Variants in PARP2 observed in about 807,000 individuals in gnomAD.
PARP2 encodes the protein poly [ADP-ribose] polymerase 2.
Under a neutral mutation model 77.8 loss-of-function variants are expected in PARP2, and 57 were observed. The ratio of observed to expected loss-of-function variants is 0.73; its 90% CI spans 0.59 to 0.91. The LOEUF (loss-of-function observed/expected upper bound fraction) is 0.91. PARP2 is among the 40% of genes least tolerant of loss of function. PARP2 has a pLI of 0.00. For missense variants in PARP2, 651 were observed against 689.0 expected (o/e 0.94, Z 0.62); for synonymous variants, 226 against 242.6 (o/e 0.93, Z 0.64).
chr14:20,357,025 CCTTGGTATT>C lies in PARP2; in HGVS notation c.1330-24_1330-16del, dbSNP rs1884180501. The C allele has an allele frequency of 7.1e-7, 1 of 1,414,414 alleles. No homozygotes were observed. The allele number at this position is 1,414,414 out of a possible 1,614,324, so 87.6% of individuals were successfully genotyped here. On this transcript the variant is annotated splice_polypyrimidine_tract_variant and intron_variant, in intron 13 of 15. Coordinates refer to ENST00000429687, the MANE Select transcript of PARP2 (RefSeq NM_001042618.2). Reference sequence around the variant, plus strand: ...TCTAACACAGTGGGTTAGAAGCTGACCTTGGTATTCATGTATATATTTCAGTTTGGGAAA... The same window carrying C: ...TCTAACACAGTGGGTTAGAAGCTGACCATGTATATATTTCAGTTTGGGAAA...
rs964898420 is a variant in PARP2, at chr14:20,353,697, G to A, written c.601-388G>A. 3.3e-5 allele frequency among the ~76,000 whole-genome samples: 5 copies of A among 152,086 alleles called. No homozygotes were observed. The East Asian group carries it at 5.8e-4, about 18-fold the overall frequency. ...GTATACCAGGATGCTGAAACTGTCCGGAAACAGTCACATATCCAAAAAAAT... is the reference window on the plus strand; with the variant it reads ...GTATACCAGGATGCTGAAACTGTCCAGAAACAGTCACATATCCAAAAAAAT... On this transcript the variant is annotated intron_variant, in intron 7 of 15. Coordinates refer to ENST00000429687, the MANE Select transcript of PARP2 (RefSeq NM_001042618.2).
intron 11 of PARP2, 119 bp from the exon 12 acceptor site, chr14:20,356,188 C>G (rs1446802527): frequency 7.1e-7 from 1 of 1,417,326 alleles, no homozygotes; most frequent in Non-Finnish European, 9.7e-7. Context: ...TCCTAGCTGC[C>G]TTGTAAGACT....
At position 20,357,642 on chromosome 14, in the gene PARP2, G is replaced by A; in HGVS notation, c.1558G>A (p.Gly520Arg). The A allele has an allele frequency of 6.2e-7, 1 of 1,611,432 alleles. No homozygotes were observed. The highest frequency in any genetic ancestry group is 1.1e-5 in the South Asian group (1 of 90,488). The change falls in exon 16 of 16, where the codon GGG (glycine) becomes AGG (arginine). Residue 520 changes from glycine to arginine, a missense_variant. By Grantham distance (125) the Gly-to-Arg change is moderately radical. Coordinates refer to ENST00000429687, the MANE Select transcript of PARP2 (RefSeq NM_001042618.2). Reference sequence around the variant, plus strand: ...CACTTTTTTTCCATTTGGCAGGAATGGGAGTACAGTGCCATTAGGACCAGC... The same window carrying A: ...CACTTTTTTTCCATTTGGCAGGAATAGGAGTACAGTGCCATTAGGACCAGC... ...PSSAHFVTLN[G>R]STVPLGPASD...
intron 14 of PARP2, 106 bp from the exon 15 acceptor site, chr14:20,357,290 C>G: frequency 7.2e-7 from 1 of 1,391,820 alleles, no homozygotes; most frequent in Non-Finnish European, 1.0e-6. Flanking sequence ...CATTGGATTC[C>G]TCTGCTGGAG....
chr14:20,352,488 TC>T, intron 7 of PARP2, 141 bp downstream of exon 7: 2 of 534,988 alleles, frequency 3.7e-6, no homozygotes, highest in Non-Finnish European at 6.6e-6. Context: ...GCTCAAGTGA[TC>T]CTCCCACCTC....
At chr14:20,357,596 A>T in intron 15 of PARP2, 42 bp from the exon 16 acceptor site, 1 of 1,606,714 alleles carries the variant, frequency 6.2e-7, no homozygotes, top group Non-Finnish European at 8.5e-7. Flanking sequence ...GCAGCTTCTG[A>T]ACCAGAGACT....
Position 20,354,073 on chromosome 14 carries a change from T to C in PARP2, c.601-12T>C, listed in dbSNP as rs762061718. 1.9e-6 allele frequency: 3 copies of C among 1,605,872 alleles called. No homozygotes were observed. The highest frequency in any genetic ancestry group is 3.3e-5 in the Admixed American group (2 of 59,774). On this transcript the variant is annotated splice_polypyrimidine_tract_variant and intron_variant, in intron 7 of 15. Coordinates refer to ENST00000429687, the MANE Select transcript of PARP2 (RefSeq NM_001042618.2). The stretch of plus-strand genomic sequence containing the variant: ...TTAGATTGTCTTGTGTTTTGTTTGT[T>C]TTTTGCTATAGGATGAAGAGGAAAC...
intron 8 of PARP2, 32 bp from the exon 9 acceptor site, chr14:20,354,777 G>A (rs1884081541): frequency 6.3e-7 from 1 of 1,591,492 alleles, no homozygotes; most frequent in African/African-American, 1.4e-5. Context: ...TGGGATCCTA[G>A]TTTGGAGTCT....
Position 20,354,945 on chromosome 14 carries a change from T to A in PARP2, c.900T>A (p.Phe300Leu). 1 of 1,613,228 alleles carries A rather than the reference T, an allele frequency of 6.2e-7. No homozygotes were observed. The highest frequency in any genetic ancestry group is 8.5e-7 in the Non-Finnish European group (1 of 1,179,508). Residue 300 changes from phenylalanine (F) to leucine (L), a missense_variant and splice_region_variant, in exon 9 of 16, where the codon TTT becomes TTA. Transcript: ENST00000429687. ...TCTACACCAGGATTCCGCATGACTT[T>A]GGGTAAGGCCTGTGCTGTTACTTCA... ...NEFYTRIPHD[F>L]GLRTPPLIRT... is the part of the protein sequence containing the mutation.
At chr14:20,354,294 C>T in intron 8 of PARP2, 47 bp downstream of exon 8, 4 of 1,383,080 alleles carry the variant, frequency 2.9e-6, no homozygotes, top group Non-Finnish European at 4.1e-6. Context: ...TAATTCCTAG[C>T]TCCTTTAATG....
At position 20,343,652 on chromosome 14, in the gene PARP2, G is replaced by A. The variant is rs1883593229; in HGVS notation, c.11G>A (p.Arg4Gln). 6.8e-6 allele frequency: 11 copies of A among 1,610,392 alleles called. No individual in the cohort carries two copies. In the East Asian group the frequency reaches 1.8e-4, roughly 26 times the overall value. ...CAGCGTTCGAATTCCATGGCGGCGCGGCGGCGACGGAGCACCGGCGGCGGC... is the reference window on the plus strand; with the variant it reads ...CAGCGTTCGAATTCCATGGCGGCGCAGCGGCGACGGAGCACCGGCGGCGGC... MAA[R>Q]RRRSTGGGRA... is the part of the protein sequence containing the mutation. Residue 4 changes from arginine (R) to glutamine (Q), a missense_variant, in exon 1 of 16, where the codon CGG becomes CAG. By Grantham distance (43) the Arg-to-Gln change is conservative (BLOSUM62 1). Transcript: ENST00000429687.
chr14:20,353,735 G>A (rs1884042537), intron 7 of PARP2, among the ~76,000 whole-genome samples: 2 of 152,194 alleles, frequency 1.3e-5, no homozygotes, highest in African/African-American at 2.4e-5. Flanking sequence ...AGAAGTTTTA[G>A]TCTTTTTTAA....
intron 11 of PARP2, 72 bp downstream of exon 11, chr14:20,356,103 C>T: frequency 6.5e-7 from 1 of 1,541,832 alleles, no homozygotes; most frequent in Non-Finnish European, 8.8e-7. Flanking sequence ...TGTTCTCTAA[C>T]TACTTCTTGT....
chr14:20,357,584 T>G, intron 15 of PARP2, 54 bp from the exon 16 acceptor site: 1 of 1,604,994 alleles, frequency 6.2e-7, no homozygotes, highest in South Asian at 1.1e-5. Flanking sequence ...ACGTTCTCTA[T>G]TGCAGCTTCT....
chr14:20,357,690 C>A lies in PARP2; in HGVS notation c.1606C>A (p.Pro536Thr). 6.2e-7 allele frequency: 1 copy of A among 1,613,856 alleles called. No individual in the cohort carries two copies. Among genetic ancestry groups the A allele is most frequent in the Non-Finnish European group, 8.5e-7 (1 of 1,179,824 alleles). ...AGCAAGTGACACAGGAATTCTGAAT[C>A]CAGATGGTTATACCCTCAACTACAA... ...GPASDTGILN[P>T]DGYTLNYNEY... Residue 536 changes from proline to threonine, a missense_variant, in exon 16 of 16, where the codon CCA becomes ACA. Transcript: ENST00000429687.
rs771871656 is a variant in PARP2, at chr14:20,355,781, A to G, written c.932A>G (p.Gln311Arg). 3 of 1,613,940 alleles carry G rather than the reference A, an allele frequency of 1.9e-6. No individual in the cohort carries two copies. The highest frequency in any genetic ancestry group is 2.2e-5 in the East Asian group (1 of 44,876). ...CGTACTCCTCCACTAATCCGGACAC[A>G]GAAGGAACTGTCAGAAAAAATACAA... ...GLRTPPLIRT[Q>R]KELSEKIQLL... The change falls in exon 10 of 16, where the codon CAG becomes CGG. Residue 311 changes from glutamine to arginine, a missense_variant. By Grantham distance (43) the Gln-to-Arg change is conservative (BLOSUM62 1). Coordinates refer to ENST00000429687, the MANE Select transcript of PARP2 (RefSeq NM_001042618.2).
chr14:20,356,638 G>T lies in PARP2; in HGVS notation c.1278G>T (p.Leu426Phe), dbSNP rs764592247. Residue 426 changes from leucine (L) to phenylalanine (F), a missense_variant, in exon 13 of 16, where the codon TTG (leucine) becomes TTT (phenylalanine). Physicochemically the swap from Leu to Phe is conservative, Grantham distance 22 (BLOSUM62 0). Transcript: ENST00000429687. ...GSRMSNWVGI[L>F]SHGLRIAPPE... The stretch of plus-strand genomic sequence containing the variant: ...GGATGAGTAACTGGGTGGGAATCTT[G>T]AGCCATGGGCTTCGAATTGCCCCAC... 2.5e-6 allele frequency: 4 copies of T among 1,614,048 alleles called. No homozygotes were observed. The highest frequency in any genetic ancestry group is 3.4e-6 in the Non-Finnish European group (4 of 1,180,014).
At chr14:20,347,311 G>A (rs55683405) in intron 4 of PARP2, among the ~76,000 whole-genome samples, 2 of 117,066 alleles carry the variant, frequency 1.7e-5, no homozygotes, top group African/African-American at 6.8e-5. Flanking sequence ...GGATTACCAG[G>A]TGTAAGCCAC....
chr14:20,357,115 G>A lies in PARP2; in HGVS notation c.1394G>A (p.Arg465His), dbSNP rs374752884. 25 of 1,612,326 alleles carry A rather than the reference G, an allele frequency of 1.6e-5. No homozygotes were observed. Among genetic ancestry groups the A allele is most frequent in the East Asian group, 1.1e-4 (5 of 44,868 alleles). The change falls in exon 14 of 16, where the codon CGC (arginine) becomes CAC (histidine). Residue 465 changes from arginine to histidine, a missense_variant. Physicochemically the swap from Arg to His is conservative, Grantham distance 29. Transcript: ENST00000429687. Reference protein sequence around the residue: ...SKSANYCFASRLKNTGLLLLS... With the variant: ...SKSANYCFASHLKNTGLLLLS... ...AGTGCCAATTACTGCTTTGCCTCTC[G>A]CCTAAAGAATACAGGACTGCTGCTC...
Sources: gnomAD v4.1 joint callset for allele counts (sites outside exome capture counted in the v4.1 genomes callset) on GRCh38, gnomAD v4.1.1 for gene constraint, MANE v1.5 for transcripts, NCBI Gene and HGNC (gene_info 2026-07-23, HGNC 2026-07-21) for gene names.